Variants in PIPOX observed in about 807,000 individuals in gnomAD.
PIPOX encodes the protein peroxisomal sarcosine oxidase.
PIPOX carries 45 observed loss-of-function variants against 47.9 expected under a neutral mutation model. The observed-to-expected ratio is 0.94, with a 90% CI of 0.74 to 1.20. PIPOX has a LOEUF of 1.20. PIPOX is among the 50% of genes most tolerant of loss of function. The pLI is 0.00. For synonymous variants in PIPOX, 165 were observed against 191.3 expected (o/e 0.86, Z 1.13); for missense variants, 458 against 498.4 (o/e 0.92, Z 0.77).
chr17:29,055,204 G>T lies in PIPOX; in HGVS notation c.949G>T (p.Glu317Ter). 1 of 1,614,216 alleles carries T rather than the reference G, an allele frequency of 6.2e-7. No individual in the cohort carries two copies. The highest frequency in any genetic ancestry group is 8.5e-7 in the Non-Finnish European group (1 of 1,180,028). The change falls in exon 6 of 8, where the codon GAG becomes TAG. Residue 317 changes from glutamate (E) to a stop codon, truncating the protein, a stop_gained. Coordinates refer to ENST00000323372, the MANE Select transcript of PIPOX (RefSeq NM_016518.3). LOFTEE classifies it high-confidence loss of function. ...PDLKPEPAVI[E>*]SCMYTNTPDE... ...TCTGAAGCCCGAGCCTGCTGTCATT[G>T]AGAGCTGCATGTACACGGTAAGGGG... is the stretch of plus-strand genomic sequence containing the variant.
intron 2 of PIPOX, among the ~76,000 whole-genome samples, chr17:29,046,353 G>A (rs115465180): frequency 7.0e-4 from 107 of 152,302 alleles, no homozygotes; most frequent in African/African-American, 2.5e-3. Context: ...ACTAAGAGAC[G>A]TTAGAGTGTC....
chr17:29,046,591 G>A (rs920837250), intron 2 of PIPOX: 14 of 985,428 alleles, frequency 1.4e-5, no homozygotes, highest in Non-Finnish European at 1.7e-5. Context: ...TTCTGGGTCA[G>A]CTGCATTCTG....
intron 4 of PIPOX, 40 bp from the exon 5 acceptor site, chr17:29,054,505 T>C (rs1486307156): frequency 1.2e-6 from 2 of 1,610,460 alleles, no homozygotes; most frequent in East Asian, 4.5e-5. Flanking sequence ...TAGAGTTCCA[T>C]GGCTTTTCTT....
intron 5 of PIPOX, 126 bp from the exon 6 acceptor site, chr17:29,054,937 A>C (rs1598240362): frequency 7.6e-7 from 1 of 1,316,884 alleles, no homozygotes; most frequent in Non-Finnish European, 1.1e-6. Flanking sequence ...AGCCCACAGC[A>C]CCTGCCAGGA....
Position 29,053,679 on chromosome 17 carries a change from C to T in PIPOX, c.660+84C>T, listed in dbSNP as rs1272357425. The T allele has an allele frequency of 5.6e-6, 6 of 1,064,712 alleles. No homozygotes were observed. In the African/African-American group the frequency reaches 6.3e-5, roughly 11 times the overall value. The allele number at this position is 1,064,712 out of a possible 1,614,324, so 66.0% of individuals were successfully genotyped here. A position where few individuals can be genotyped will look rare whatever the true frequency, so the allele number is the denominator to read the frequency against. ...AGTCAAATTTGAGTCCTGGATCTGC[C>T]TCTTGCTAGTGGACAACCTTGGGCA... On this transcript the variant is annotated intron_variant, in intron 4 of 7. Transcript: ENST00000323372.
In PIPOX at chr17:29,054,698, G is replaced by A. The variant is rs1268751218; in HGVS notation, c.807+7G>A. 7 of 1,612,702 alleles carry A rather than the reference G, an allele frequency of 4.3e-6. No individual in the cohort carries two copies. The South Asian group carries it at 5.5e-5, about 13-fold the overall frequency. ...GTACCCAGGGCTGATGAAGGTGAGC[G>A]GAAAGACCGAGATAAGGCAGGTAGA... On this transcript the variant is annotated splice_region_variant and intron_variant, in intron 5 of 7. Coordinates refer to ENST00000323372, the MANE Select transcript of PIPOX (RefSeq NM_016518.3).
intron 2 of PIPOX, among the ~76,000 whole-genome samples, chr17:29,047,586 A>G (rs1420769696): frequency 1.3e-5 from 2 of 152,240 alleles, no homozygotes; most frequent in Non-Finnish European, 2.9e-5. Context: ...GCAAGATGTA[A>G]ATAAATGAGC....
chr17:29,044,903 G>A lies in PIPOX; in HGVS notation c.159G>A (p.Arg53=), dbSNP rs1284883089. 20 of 1,614,024 alleles carry A rather than the reference G, an allele frequency of 1.2e-5. No individual in the cohort carries two copies. The highest frequency in any genetic ancestry group is 1.7e-5 in the Non-Finnish European group (20 of 1,180,032). ...GAGGAAGCTCCCATGGACAAAGCCGGATAATCCGAAAGGCGTACCTGGAAG... is the reference window on the plus strand; with the variant it reads ...GAGGAAGCTCCCATGGACAAAGCCGAATAATCCGAAAGGCGTACCTGGAAG... The part of the protein sequence containing the change: ...HSRGSSHGQS[R]IIRKAYLEDF... The change falls in exon 2 of 8, where the codon CGG becomes CGA. Residue 53 remains arginine, a synonymous_variant. Transcript: ENST00000323372.
chr17:29,048,815 A>G (rs1420945028), intron 2 of PIPOX, among the ~76,000 whole-genome samples: 1 of 152,218 alleles, frequency 6.6e-6, no homozygotes, highest in Non-Finnish European at 1.5e-5. Flanking sequence ...TGAACGGAAG[A>G]TGAAATGCCT....
rs538087194 is a variant in PIPOX, at chr17:29,043,422, T to C, written c.114+83T>C. On this transcript the variant is annotated intron_variant, in intron 1 of 7. Coordinates refer to ENST00000323372, the MANE Select transcript of PIPOX (RefSeq NM_016518.3). ...AGAAGGGTTTTCAGAGCCAGCAGGC[T>C]ACAGGGCAAGGCCAAAGGGACTGAA... 99 of 977,390 alleles carry C rather than the reference T, an allele frequency of 1.0e-4. 1 individual carries two copies. In the South Asian group the frequency reaches 1.3e-3, roughly 13 times the overall value. The allele number at this position is 977,390 out of a possible 1,614,324, so 60.5% of individuals were successfully genotyped here. A position where few individuals can be genotyped will look rare whatever the true frequency, so the allele number is the denominator to read the frequency against.
chr17:29,052,383 T>C (rs979475599), intron 2 of PIPOX, among the ~76,000 whole-genome samples: 1 of 152,000 alleles, frequency 6.6e-6, no homozygotes. Flanking sequence ...AGAAAACCAA[T>C]AGTGAGAGCC....
chr17:29,052,947 GA>G lies in PIPOX; in HGVS notation c.294del (p.Glu99ArgfsTer5). The G allele has an allele frequency of 6.2e-7, 1 of 1,614,212 alleles. No homozygotes were observed. The highest frequency in any genetic ancestry group is 8.5e-7 in the Non-Finnish European group (1 of 1,180,026). On this transcript the variant is annotated frameshift_variant, in exon 3 of 8. Coordinates refer to ENST00000323372, the MANE Select transcript of PIPOX (RefSeq NM_016518.3). LOFTEE classifies it high-confidence loss of function. ...RQTGLLLLGM[K>X]ENQELKTIQA... ...AGACTGGATTACTGCTGCTGGGAAT[GA>G]AAGAGAATCAAGAATTAAAGACAAT...
chr17:29,048,379 T>C (rs1446821206), intron 2 of PIPOX, among the ~76,000 whole-genome samples: 2 of 152,220 alleles, frequency 1.3e-5, no homozygotes, highest in Non-Finnish European at 2.9e-5. Context: ...GTTCAGGTGG[T>C]TGTCCAGTGC....
At chr17:29,050,416 C>T (rs1021032054) in intron 2 of PIPOX, among the ~76,000 whole-genome samples, 5 of 150,592 alleles carry the variant, frequency 3.3e-5, no homozygotes, top group South Asian at 2.1e-4. Flanking sequence ...TTACTAGGGC[C>T]GGGCACAGTG....
chr17:29,056,022 C>A, intron 7 of PIPOX, 134 bp downstream of exon 7: 1 of 1,254,718 alleles, frequency 8.0e-7, no homozygotes, highest in Non-Finnish European at 1.2e-6. Context: ...GGAGGCTGGG[C>A]AGTCAGAAAA....
chr17:29,045,292 C>A (rs1304267328), intron 2 of PIPOX, among the ~76,000 whole-genome samples: 1 of 152,004 alleles, frequency 6.6e-6, no homozygotes, highest in Admixed American at 6.6e-5. Context: ...TGGCAGATGC[C>A]CAGAGTGGAC....
At chr17:29,051,068 C>T (rs1003630242) in intron 2 of PIPOX, among the ~76,000 whole-genome samples, 1 of 151,890 alleles carries the variant, frequency 6.6e-6, no homozygotes, top group African/African-American at 2.4e-5. Flanking sequence ...TTGCAGTGAC[C>T]TGAGATCGCA....
At position 29,043,215 on chromosome 17, in the gene PIPOX, T is replaced by G. The variant is rs1742060368; in HGVS notation, c.-11T>G. ...CTTTGAGGCTCTGTGGCTGTGGGGC[T>G]GAGTGGCATCATGGCGGCTCAGAAA... On this transcript the variant is annotated 5_prime_UTR_variant, in exon 1 of 8. Transcript: ENST00000323372. 1 of 1,603,610 alleles carries G rather than the reference T, an allele frequency of 6.2e-7. No individual in the cohort carries two copies. Among genetic ancestry groups the G allele is most frequent in the African/African-American group, 1.3e-5 (1 of 74,808 alleles).
chr17:29,055,972 C>T, intron 7 of PIPOX, 84 bp downstream of exon 7: 5 of 1,370,514 alleles, frequency 3.6e-6, no homozygotes, highest in Non-Finnish European at 4.2e-6. Context: ...ACACTCTTAG[C>T]TGCCCAGATA....
Sources: allele counts gnomAD v4.1 joint callset (sites outside exome capture counted in the v4.1 genomes callset), GRCh38; gene constraint gnomAD v4.1.1; transcripts MANE v1.5; gene names NCBI Gene and HGNC (gene_info 2026-07-23, HGNC 2026-07-21).